Variants in AUTS2 observed in about 807,000 individuals in gnomAD.
AUTS2 encodes activator of transcription and developmental regulator AUTS2, also known as autism susceptibility gene 2 protein.
A neutral mutation model predicts 112.4 loss-of-function variants in AUTS2; 17 were observed. That is an observed-to-expected ratio of 0.15 (90% confidence interval 0.10 to 0.23). AUTS2 has a LOEUF of 0.23. Among genes scored for constraint, AUTS2 ranks in the 10% least tolerant of loss-of-function variants. AUTS2 has a pLI of 1.00. For missense variants in AUTS2, 1,510 were observed against 1,701.6 expected (o/e 0.89, Z 1.98); for synonymous variants, 751 against 702.7 (o/e 1.07, Z -1.09).
intron 4 of AUTS2, among the ~76,000 whole-genome samples, chr7:70,238,976 G>T (rs781182288): frequency 8.5e-5 from 13 of 152,204 alleles, no homozygotes; most frequent in Admixed American, 8.5e-4. Context: ...AGCTCTTATT[G>T]GTTGTGAGGT....
intron 1 of AUTS2, among the ~76,000 whole-genome samples, chr7:69,729,994 ATTT>A (rs10684331): frequency 1.9e-4 from 11 of 56,760 alleles, no homozygotes; most frequent in Non-Finnish European, 2.7e-4. Context: ...TGTTGTTTTA[ATTT>A]TTTTTTTTTT....
At chr7:70,753,013 G>T (rs1172987176) in intron 6 of AUTS2, among the ~76,000 whole-genome samples, 1 of 152,120 alleles carries the variant, frequency 6.6e-6, no homozygotes, top group Non-Finnish European at 1.5e-5. Context: ...CAGGAATGTG[G>T]GCATGTGCAT....
chr7:69,691,938 A>C (rs1271369435), intron 1 of AUTS2, among the ~76,000 whole-genome samples: 2 of 152,180 alleles, frequency 1.3e-5, no homozygotes, highest in East Asian at 3.9e-4. Context: ...ATCTGAGCCA[A>C]GTAGACTGAC....
chr7:70,356,898 TTCC>T (rs1196445851), intron 4 of AUTS2, among the ~76,000 whole-genome samples: 1 of 152,178 alleles, frequency 6.6e-6, no homozygotes, highest in Non-Finnish European at 1.5e-5. Flanking sequence ...CCAGTCCCAG[TTCC>T]TTAGTAGAAT....
At chr7:70,723,132 T>C (rs1786796353) in intron 6 of AUTS2, among the ~76,000 whole-genome samples, 1 of 152,194 alleles carries the variant, frequency 6.6e-6, no homozygotes, top group East Asian at 1.9e-4. Context: ...TTTATAATGC[T>C]CTCTTCCCTA....
intron 1 of AUTS2, among the ~76,000 whole-genome samples, chr7:69,847,021 C>T (rs556435955): frequency 6.6e-6 from 1 of 152,274 alleles, no homozygotes; most frequent in Non-Finnish European, 1.5e-5. Context: ...TAGCACAGCC[C>T]AGGCTCTTAA....
At chr7:69,656,364 G>A (rs1420204066) in intron 1 of AUTS2, among the ~76,000 whole-genome samples, 2 of 152,236 alleles carry the variant, frequency 1.3e-5, no homozygotes, top group Non-Finnish European at 2.9e-5. Context: ...GCTCCTTGGA[G>A]TGCTAGGTTA....
chr7:70,556,580 C>T (rs1210826545), intron 5 of AUTS2, among the ~76,000 whole-genome samples: 7 of 152,186 alleles, frequency 4.6e-5, no homozygotes, highest in Non-Finnish European at 1.0e-4. Context: ...ATTCTCCCTT[C>T]CTTCACTTCT....
At chr7:70,177,471 TG>T (rs1397724116) in intron 4 of AUTS2, among the ~76,000 whole-genome samples, 2 of 152,352 alleles carry the variant, frequency 1.3e-5, no homozygotes, top group East Asian at 3.9e-4. Context: ...ACTTATTTTT[TG>T]TCTGGGTCTT....
chr7:70,103,998 T>A (rs1388463510), intron 2 of AUTS2, among the ~76,000 whole-genome samples: 26 of 151,970 alleles, frequency 1.7e-4, no homozygotes. Flanking sequence ...TGAAAGCAGC[T>A]TAATGGTAAT....
rs568364395 is a variant in AUTS2, at chr7:69,992,644, A to G, written c.522+93146A>G. ...AAGCCGAGGATTATAGGAGTTTACC[A>G]GTCCTCCAGTGGGAGGATCCCTTGA... On this transcript the variant is annotated intron_variant, in intron 2 of 18. Coordinates refer to ENST00000342771, the MANE Select transcript of AUTS2 (RefSeq NM_015570.4). 1.5e-3 allele frequency among the ~76,000 whole-genome samples: 232 copies of G among 152,288 alleles called. 1 individual carries two copies. Among genetic ancestry groups the G allele is most frequent in the African/African-American group, 4.7e-3 (194 of 41,556 alleles).
intron 2 of AUTS2, among the ~76,000 whole-genome samples, chr7:70,068,489 T>C (rs1389136016): frequency 6.6e-6 from 1 of 152,110 alleles, no homozygotes; most frequent in African/African-American, 2.4e-5. Flanking sequence ...CGGCCATAAG[T>C]AGATTTATTT....
intron 2 of AUTS2, among the ~76,000 whole-genome samples, chr7:70,021,565 A>G (rs571969005): frequency 1.1e-4 from 16 of 152,276 alleles, no homozygotes; most frequent in Non-Finnish European, 1.6e-4. Flanking sequence ...AGACAGCAGC[A>G]CACCCTTCAC....
chr7:70,495,865 G>GCACA (rs1798452926), intron 5 of AUTS2, among the ~76,000 whole-genome samples: 1 of 46,932 alleles, frequency 2.1e-5, no homozygotes, highest in Non-Finnish European at 4.0e-5. Context: ...ACACACACAC[G>GCACA]CCCCACACAT....
intron 4 of AUTS2, among the ~76,000 whole-genome samples, chr7:70,288,561 T>C (rs1205960424): frequency 3.9e-5 from 6 of 152,178 alleles, no homozygotes; most frequent in African/African-American, 1.4e-4. Context: ...CAGGTGTCTT[T>C]TCTCTGTACT....
chr7:69,797,615 G>A (rs556114759), intron 1 of AUTS2, among the ~76,000 whole-genome samples: 3 of 152,300 alleles, frequency 2.0e-5, no homozygotes, highest in Admixed American at 6.5e-5. Flanking sequence ...GGAATTTGTG[G>A]TGTTCCAGAA....
intron 5 of AUTS2, among the ~76,000 whole-genome samples, chr7:70,502,290 G>A (rs1018349237): frequency 4.6e-5 from 7 of 152,144 alleles, no homozygotes; most frequent in African/African-American, 1.7e-4. Context: ...CCGTATTAAT[G>A]GCACACCTTC....
chr7:69,695,909 G>A (rs139801537), intron 1 of AUTS2, among the ~76,000 whole-genome samples: 1 of 152,238 alleles, frequency 6.6e-6, no homozygotes, highest in East Asian at 1.9e-4. Context: ...ACACAAGAAG[G>A]GGCCTTCTTG....
chr7:69,830,903 G>A (rs1418459225), intron 1 of AUTS2, among the ~76,000 whole-genome samples: 1 of 152,134 alleles, frequency 6.6e-6, no homozygotes, highest in Non-Finnish European at 1.5e-5. Context: ...TGAAGGTATT[G>A]ATTTGAGGAA....
Sources: gnomAD v4.1 joint callset for allele counts (sites outside exome capture counted in the v4.1 genomes callset) on GRCh38, gnomAD v4.1.1 for gene constraint, MANE v1.5 for transcripts, NCBI Gene and HGNC (gene_info 2026-07-23, HGNC 2026-07-21) for gene names.